The following SYCP2L variants were observed in gnomAD, a reference collection of about 807,000 sequenced individuals.
The protein encoded by SYCP2L is synaptonemal complex protein 2-like.
In SYCP2L, 98 loss-of-function variants were observed where a neutral mutation model predicts 125.8. The ratio of observed to expected loss-of-function variants is 0.78; its 90% CI spans 0.66 to 0.92. SYCP2L has a LOEUF of 0.92. SYCP2L is among the 40% of genes least tolerant of loss of function. The probability of loss-of-function intolerance (pLI) is 0.00; values close to 1 mark genes in which losing one functional copy is unlikely to be tolerated. For missense variants in SYCP2L, 842 were observed against 936.4 expected, an observed-to-expected ratio of 0.90 and a Z score of 1.32; for synonymous variants, 317 against 325.4, an observed-to-expected ratio of 0.97 and a Z score of 0.28.
intron 23 of SYCP2L, among the ~76,000 whole-genome samples, chr6:10,951,308 C>T (rs1781405216): frequency 6.6e-6 from 1 of 151,960 alleles, no homozygotes; most frequent in African/African-American, 2.4e-5. Context: ...TCCCTGTGTT[C>T]CCAGCTACTC....
intron 28 of SYCP2L, among the ~76,000 whole-genome samples, chr6:10,962,442 G>A (rs1781611340): frequency 6.6e-6 from 1 of 152,040 alleles, no homozygotes; most frequent in Non-Finnish European, 1.5e-5. Context: ...AGTTAAAGGT[G>A]ATGACACCTT....
intron 23 of SYCP2L, among the ~76,000 whole-genome samples, chr6:10,943,691 C>T (rs1266391237): frequency 6.6e-6 from 1 of 152,174 alleles, no homozygotes; most frequent in Non-Finnish European, 1.5e-5. Flanking sequence ...GAGGTAATGA[C>T]TTATGACTTT....
At chr6:10,936,700 G>C (rs1781101883) in intron 21 of SYCP2L, among the ~76,000 whole-genome samples, 2 of 152,160 alleles carry the variant, frequency 1.3e-5, no homozygotes, top group South Asian at 4.1e-4. Flanking sequence ...GCTTACAGGG[G>C]ACTCACTGTA....
intron 17 of SYCP2L, among the ~76,000 whole-genome samples, chr6:10,928,085 C>G (rs562729174): frequency 5.9e-5 from 9 of 152,150 alleles, no homozygotes; most frequent in African/African-American, 1.9e-4. Context: ...TCATATTGTT[C>G]AAACACACAT....
At chr6:10,905,167 G>T (rs796378414) in intron 8 of SYCP2L, among the ~76,000 whole-genome samples, 1 of 97,086 alleles carries the variant, frequency 1.0e-5, no homozygotes, top group Non-Finnish European at 2.1e-5. Context: ...AAAAAAAAAA[G>T]AAGAAGATCG....
intron 29 of SYCP2L, among the ~76,000 whole-genome samples, chr6:10,971,959 A>G (rs961982694): frequency 6.6e-6 from 1 of 152,194 alleles, no homozygotes; most frequent in Non-Finnish European, 1.5e-5. Context: ...TACAGGCATA[A>G]GCCACTGCGC....
chr6:10,921,102 G>T (rs913570963), intron 14 of SYCP2L, among the ~76,000 whole-genome samples: 4 of 152,128 alleles, frequency 2.6e-5, no homozygotes, highest in African/African-American at 9.7e-5. Context: ...TCATCATTCA[G>T]CTCCCACTTA....
At chr6:10,897,947 G>A in intron 4 of SYCP2L, 64 bp from the exon 5 acceptor site, 3 of 1,042,796 alleles carry the variant, frequency 2.9e-6, no homozygotes, top group Non-Finnish European at 3.0e-6. Context: ...AAATTGTCTT[G>A]TGCAATTTTA....
At chr6:10,897,216 A>G (rs1406328268) in intron 4 of SYCP2L, among the ~76,000 whole-genome samples, 3 of 152,186 alleles carry the variant, frequency 2.0e-5, no homozygotes, top group Admixed American at 6.5e-5. Context: ...ATGTATTCCT[A>G]TAGGAAAAAA....
chr6:10,927,269 G>A lies in SYCP2L; in HGVS notation c.1342G>A (p.Glu448Lys). 1 of 1,614,106 alleles carries A rather than the reference G, an allele frequency of 6.2e-7. No individual in the cohort carries two copies. Among genetic ancestry groups the A allele is most frequent in the Non-Finnish European group, 8.5e-7 (1 of 1,180,004 alleles). The change falls in exon 17 of 30, where the codon GAG becomes AAG. Residue 448 changes from glutamate to lysine, a missense_variant. Coordinates refer to ENST00000283141, the MANE Select transcript of SYCP2L (RefSeq NM_001040274.3). ...GGCAGAAGAATCCACTAACATGGTG[G>A]AGTTTATGAGTGCTGAAGATGACCG... The part of the protein sequence containing the change: ...EQAEESTNMV[E>K]FMSAEDDRCL...
rs79526867 is a variant in SYCP2L at position 10,959,440 on chromosome 6, G to C, written c.2255+565G>C. Reference sequence around the variant, plus strand: ...TTTAATGGGTACAGAGTTTCTGTTTGGGATGATGGAAGAGTTCTGGAAATG... The same window carrying C: ...TTTAATGGGTACAGAGTTTCTGTTTCGGATGATGGAAGAGTTCTGGAAATG... On this transcript the variant is annotated intron_variant, in intron 26 of 29. Transcript: ENST00000283141. Among the ~76,000 whole-genome samples, 1,201 of 152,292 alleles carry C rather than the reference G, an allele frequency of 7.9e-3. 20 individuals are homozygous for C. Among genetic ancestry groups the C allele is most frequent in the African/African-American group, 0.027 (1,117 of 41,558 alleles).
chr6:10,935,317 A>C (rs1781072995), intron 21 of SYCP2L, 130 bp downstream of exon 21: 1 of 959,362 alleles, frequency 1.0e-6, no homozygotes, highest in Non-Finnish European at 1.5e-6. Context: ...CTTTACCTTA[A>C]TGTCTCTTAT....
chr6:10,915,202 G>A (rs563214169), intron 14 of SYCP2L, among the ~76,000 whole-genome samples: 47 of 152,272 alleles, frequency 3.1e-4, no homozygotes, highest in African/African-American at 1.1e-3. Context: ...TCTTTTATCA[G>A]TTCAAGGAGC....
intron 14 of SYCP2L, among the ~76,000 whole-genome samples, chr6:10,921,413 G>C (rs1055656020): frequency 1.3e-5 from 2 of 152,148 alleles, no homozygotes; most frequent in African/African-American, 4.8e-5. Flanking sequence ...GGATTGCTGG[G>C]TCAAATGGTA....
At chr6:10,950,174 C>T (rs1038684617) in intron 23 of SYCP2L, among the ~76,000 whole-genome samples, 1 of 151,750 alleles carries the variant, frequency 6.6e-6, no homozygotes, top group Admixed American at 6.6e-5. Context: ...GCTGTCCTTT[C>T]ATTACCTTTT....
chr6:10,894,571 C>T (rs770593259), intron 4 of SYCP2L, among the ~76,000 whole-genome samples: 3 of 152,120 alleles, frequency 2.0e-5, no homozygotes, highest in African/African-American at 4.8e-5. Context: ...GAAAAATGAT[C>T]GTCAAAAACT....
intron 5 of SYCP2L, among the ~76,000 whole-genome samples, chr6:10,898,531 C>T (rs943570399): frequency 4.6e-5 from 7 of 152,000 alleles, no homozygotes; most frequent in African/African-American, 9.7e-5. Context: ...AAAAGACTCT[C>T]GTGTTTTATT....
intron 23 of SYCP2L, among the ~76,000 whole-genome samples, chr6:10,948,597 A>G (rs1781356852): frequency 1.3e-5 from 2 of 152,088 alleles, no homozygotes; most frequent in Admixed American, 1.3e-4. Context: ...AAAAAAAGAT[A>G]CATTGTTGGA....
chr6:10,949,519 G>A lies in SYCP2L; in HGVS notation c.1955-5597G>A, dbSNP rs899758734. Reference sequence around the variant, plus strand: ...CTTACATTAAGGCCTAACTGGACTTGCCTTATGGCTGAAAACGGTATCCAA... The same window carrying A: ...CTTACATTAAGGCCTAACTGGACTTACCTTATGGCTGAAAACGGTATCCAA... On this transcript the variant is annotated intron_variant, in intron 23 of 29. Coordinates refer to ENST00000283141, the MANE Select transcript of SYCP2L (RefSeq NM_001040274.3). Among the ~76,000 whole-genome samples the A allele has an allele frequency of 1.4e-4, 22 of 152,042 alleles. 1 individual carries two copies. Among genetic ancestry groups the A allele is most frequent in the African/African-American group, 5.3e-4 (22 of 41,408 alleles).
Sources: gnomAD v4.1 joint callset for allele counts (sites outside exome capture counted in the v4.1 genomes callset) on GRCh38, gnomAD v4.1.1 for gene constraint, MANE v1.5 for transcripts, NCBI Gene and HGNC (gene_info 2026-07-23, HGNC 2026-07-21) for gene names.